CEP112: variants seen among roughly 807,000 people sequenced by gnomAD.
The protein encoded by CEP112 is centrosomal protein 112.
Under a neutral mutation model 153.0 loss-of-function variants are expected in CEP112, and 127 were observed. That is an observed-to-expected ratio of 0.83 (90% confidence interval 0.72 to 0.96). The LOEUF (loss-of-function observed/expected upper bound fraction) is 0.96. Ranked by LOEUF, CEP112 falls within the 40% of genes least tolerant of loss-of-function variation. The pLI, the probability that CEP112 is intolerant of heterozygous loss-of-function variation, is 0.00. For missense variants in CEP112, 1,089 were observed against 1,101.2 expected, an observed-to-expected ratio of 0.99 and a Z score of 0.16; for synonymous variants, 358 against 374.4, an observed-to-expected ratio of 0.96 and a Z score of 0.51.
Position 65,988,398 on chromosome 17 carries a change from C to T in CEP112, c.1736+17292G>A, listed in dbSNP as rs551179435. ...ATCCTCAAGAAACAACAGCAAACAA[C>T]GAACCATGAACTCCTCAAAGAGACA... On this transcript the variant is annotated intron_variant, in intron 17 of 26. Transcript: ENST00000535342. Among the ~76,000 whole-genome samples, 40 of 152,244 alleles carry T rather than the reference C, an allele frequency of 2.6e-4. 1 individual carries two copies. Among genetic ancestry groups the T allele is most frequent in the African/African-American group, 9.1e-4 (38 of 41,556 alleles).
chr17:65,681,357 C>T (rs1598297589), intron 24 of CEP112, among the ~76,000 whole-genome samples: 1 of 152,150 alleles, frequency 6.6e-6, no homozygotes, highest in African/African-American at 2.4e-5. Flanking sequence ...CCAATCTGCT[C>T]ATGGCCCTCT....
chr17:65,886,034 C>T (rs1363465595), intron 20 of CEP112, among the ~76,000 whole-genome samples: 1 of 152,192 alleles, frequency 6.6e-6, no homozygotes, highest in Non-Finnish European at 1.5e-5. Flanking sequence ...GGATTAAACC[C>T]TTTTCATCAT....
intron 20 of CEP112, among the ~76,000 whole-genome samples, chr17:65,885,263 T>C (rs1182366533): frequency 6.6e-6 from 1 of 152,212 alleles, no homozygotes; most frequent in Non-Finnish European, 1.5e-5. Context: ...CTTTTTACTT[T>C]AAAGTGAACT....
At chr17:65,662,347 T>C (rs1296901193) in intron 24 of CEP112, among the ~76,000 whole-genome samples, 5 of 152,360 alleles carry the variant, frequency 3.3e-5, no homozygotes, top group Admixed American at 1.3e-4. Context: ...GCAATAGTCA[T>C]GTTAGATTGA....
At chr17:65,708,052 G>A (rs2049000787) in intron 23 of CEP112, among the ~76,000 whole-genome samples, 1 of 152,078 alleles carries the variant, frequency 6.6e-6, no homozygotes, top group Non-Finnish European at 1.5e-5. Flanking sequence ...TAACTAAAAC[G>A]CTAAGGTTAG....
intron 23 of CEP112, among the ~76,000 whole-genome samples, chr17:65,694,033 A>G (rs959965313): frequency 2.0e-4 from 31 of 152,142 alleles, no homozygotes; most frequent in African/African-American, 7.2e-4. Context: ...TTAGGAGCCA[A>G]CCTGTCCAAG....
chr17:66,002,871 CCTT>C (rs2064120534), intron 17 of CEP112, among the ~76,000 whole-genome samples: 1 of 152,114 alleles, frequency 6.6e-6, no homozygotes, highest in Non-Finnish European at 1.5e-5. Context: ...CTGAGATTTT[CCTT>C]CTTTGCATAT....
At chr17:65,678,912 C>T (rs2047365693) in intron 24 of CEP112, among the ~76,000 whole-genome samples, 1 of 152,052 alleles carries the variant, frequency 6.6e-6, no homozygotes, top group Non-Finnish European at 1.5e-5. Flanking sequence ...AAAGATGAAA[C>T]AGAGCACGTT....
chr17:66,122,538 C>CCCCT (rs2069650208), intron 6 of CEP112, among the ~76,000 whole-genome samples: 1 of 152,142 alleles, frequency 6.6e-6, no homozygotes, highest in Non-Finnish European at 1.5e-5. Context: ...TTTGGAATCA[C>CCCCT]CCCTCAGTGT....
intron 18 of CEP112, among the ~76,000 whole-genome samples, chr17:65,934,075 G>A (rs548615612): frequency 2.0e-5 from 3 of 152,244 alleles, no homozygotes; most frequent in African/African-American, 4.8e-5. Context: ...TGTAGTCCCC[G>A]CTACTCGGGA....
chr17:65,867,542 C>A (rs1297023037), intron 20 of CEP112, among the ~76,000 whole-genome samples: 1 of 152,038 alleles, frequency 6.6e-6, no homozygotes, highest in Admixed American at 6.5e-5. Context: ...TGTAAAGTCA[C>A]ATAAATGTAT....
At chr17:65,884,717 T>TC (rs2059211070) in intron 20 of CEP112, among the ~76,000 whole-genome samples, 1 of 149,944 alleles carries the variant, frequency 6.7e-6, no homozygotes, top group Admixed American at 6.6e-5. Context: ...TTTTTTTTTT[T>TC]TCTTTTTTTT....
intron 19 of CEP112, among the ~76,000 whole-genome samples, chr17:65,916,287 G>GTGTGTGTGTGTGTGTGTGTGTGTA (rs138734881): frequency 1.4e-5 from 2 of 147,594 alleles, no homozygotes; most frequent in Non-Finnish European, 1.5e-5. Flanking sequence ...GTGTGTGTGT[G>GTGTGTGTGTGTGTGTGTGTGTGTA]TGTGTATGTG....
chr17:65,915,324 T>C (rs959993320), intron 19 of CEP112, among the ~76,000 whole-genome samples: 2 of 152,116 alleles, frequency 1.3e-5, no homozygotes, highest in African/African-American at 2.4e-5. Flanking sequence ...GCCTGCAAAA[T>C]AGATCCCAAA....
At position 65,767,911 on chromosome 17, in the gene CEP112, A is replaced by G. The variant is rs150086954; in HGVS notation, c.2395-17187T>C. On this transcript the variant is annotated intron_variant, in intron 21 of 26. Transcript: ENST00000535342. ...CCCCAAGAAAGAAAAGCCCAAAACC[A>G]GATGTCTTCATGGCTGAATTCTACC... 8.3e-3 allele frequency among the ~76,000 whole-genome samples: 1,266 copies of G among 152,236 alleles called. 14 individuals are homozygous for G. The highest frequency in any genetic ancestry group is 0.02 in the South Asian group (97 of 4,828).
At chr17:66,105,040 G>A (rs1366817811) in intron 6 of CEP112, among the ~76,000 whole-genome samples, 4 of 152,090 alleles carry the variant, frequency 2.6e-5, no homozygotes, top group African/African-American at 9.7e-5. Context: ...CATATCTGAA[G>A]TAGAAACACT....
At chr17:66,188,724 T>TTTGG (rs1018666427) in intron 1 of CEP112, among the ~76,000 whole-genome samples, 8 of 151,794 alleles carry the variant, frequency 5.3e-5, no homozygotes, top group African/African-American at 1.5e-4. Flanking sequence ...TCATTTTTTG[T>TTTGG]TTGGTTGGTT....
At chr17:65,892,357 C>T (rs2059496910) in intron 20 of CEP112, among the ~76,000 whole-genome samples, 1 of 152,150 alleles carries the variant, frequency 6.6e-6, no homozygotes, top group Admixed American at 6.6e-5. Flanking sequence ...GTCCAAGTCA[C>T]AGAGTTCCAT....
chr17:66,129,765 A>C lies in CEP112; in HGVS notation c.623T>G (p.Leu208Arg). The C allele has an allele frequency of 1.9e-6, 3 of 1,612,112 alleles. No homozygotes were observed. The highest frequency in any genetic ancestry group is 1.7e-6 in the Non-Finnish European group (2 of 1,178,986). The change falls in exon 6 of 27, where the codon CTT (leucine) becomes CGT (arginine). Residue 208 changes from leucine to arginine, a missense_variant. Transcript: ENST00000535342. ...SLDDSDIEAR[L>R]NSWNLGIENP... The stretch of plus-strand genomic sequence containing the variant: ...TTTTACCCCAAGATTCCAACTATTA[A>C]GGCGAGCTTCAATGTCACTATCATC...
Sources: gnomAD v4.1 joint callset for allele counts (sites outside exome capture counted in the v4.1 genomes callset) on GRCh38, gnomAD v4.1.1 for gene constraint, MANE v1.5 for transcripts, NCBI Gene and HGNC (gene_info 2026-07-23, HGNC 2026-07-21) for gene names.